Variants in KSR2 observed in about 807,000 individuals in gnomAD.
The protein encoded by KSR2 is kinase suppressor of ras 2.
KSR2 carries 25 observed loss-of-function variants against 107.8 expected under a neutral mutation model. The ratio of observed to expected loss-of-function variants is 0.23; its 90% CI spans 0.17 to 0.32. KSR2 has a LOEUF of 0.32. KSR2 is among the 10% of genes least tolerant of loss of function. The pLI is 1.00. For synonymous variants in KSR2, 480 were observed against 507.0 expected (o/e 0.95, Z 0.71); for missense variants, 887 against 1,268.9 (o/e 0.70, Z 4.57).
chr12:117,941,015 G>A (rs1048761576), intron 1 of KSR2, among the ~76,000 whole-genome samples: 1 of 152,086 alleles, frequency 6.6e-6, no homozygotes, highest in Non-Finnish European at 1.5e-5. Context: ...AACCCAGGAG[G>A]CAGAGGTTGC....
At chr12:117,476,771 C>T (rs1871809298) in intron 16 of KSR2, among the ~76,000 whole-genome samples, 176 bp from the exon 17 acceptor site, 1 of 152,182 alleles carries the variant, frequency 6.6e-6, no homozygotes, top group African/African-American at 2.4e-5. Context: ...GGGAAGGCTG[C>T]TCTAGAGAAA....
chr12:117,860,855 A>T (rs895713327), intron 1 of KSR2, among the ~76,000 whole-genome samples: 1 of 152,056 alleles, frequency 6.6e-6, no homozygotes, highest in African/African-American at 2.4e-5. Context: ...AGTATCTGGG[A>T]TTACAGGCGC....
Position 117,469,809 on chromosome 12 carries a change from A to G in KSR2, c.2713-14T>C, listed in dbSNP as rs1871329956. On this transcript the variant is annotated splice_polypyrimidine_tract_variant and intron_variant, in intron 18 of 19. Transcript: ENST00000339824. ...GAGAAGAATGTCCTAAATGAAACCAATGTGTGGTGATTACACATAAATGGT... is the reference window on the plus strand; with the variant it reads ...GAGAAGAATGTCCTAAATGAAACCAGTGTGTGGTGATTACACATAAATGGT... The G allele has an allele frequency of 1.2e-6, 2 of 1,613,332 alleles. No homozygotes were observed. Among genetic ancestry groups the G allele is most frequent in the Non-Finnish European group, 1.7e-6 (2 of 1,179,658 alleles).
chr12:117,915,463 T>A (rs1217133491), intron 1 of KSR2, among the ~76,000 whole-genome samples: 2 of 152,236 alleles, frequency 1.3e-5, no homozygotes, highest in African/African-American at 4.8e-5. Flanking sequence ...TCCATTACAC[T>A]TAAGAAGACA....
intron 4 of KSR2, among the ~76,000 whole-genome samples, chr12:117,701,340 G>T (rs758994224): frequency 6.6e-6 from 1 of 152,170 alleles, no homozygotes; most frequent in Non-Finnish European, 1.5e-5. Flanking sequence ...TGATCTGCCT[G>T]CCTCAGACTC....
At chr12:117,902,963 A>G (rs754938714) in intron 1 of KSR2, among the ~76,000 whole-genome samples, 4 of 152,166 alleles carry the variant, frequency 2.6e-5, no homozygotes, top group Non-Finnish European at 5.9e-5. Context: ...TCTCTGAAAC[A>G]TAGAGGATAA....
At chr12:117,890,146 A>C (rs1226640299) in intron 1 of KSR2, among the ~76,000 whole-genome samples, 1 of 152,216 alleles carries the variant, frequency 6.6e-6, no homozygotes, top group African/African-American at 2.4e-5. Context: ...CATTTTGAAC[A>C]GCACTGTATT....
At chr12:117,757,283 A>T (rs891328053) in intron 4 of KSR2, among the ~76,000 whole-genome samples, 7 of 152,226 alleles carry the variant, frequency 4.6e-5, no homozygotes, top group Admixed American at 1.3e-4. Flanking sequence ...GAGCCTGAAG[A>T]TATAACTGAA....
intron 14 of KSR2, 100 bp downstream of exon 14, chr12:117,524,752 T>C (rs893444696): frequency 1.5e-6 from 2 of 1,350,622 alleles, no homozygotes; most frequent in Non-Finnish European, 2.0e-6. Flanking sequence ...CTAGAGATGG[T>C]CTATTAACCA....
chr12:117,895,920 A>G (rs957105490), intron 1 of KSR2, among the ~76,000 whole-genome samples: 22 of 152,140 alleles, frequency 1.4e-4, no homozygotes, highest in Non-Finnish European at 2.6e-4. Context: ...TTAGCTAGGT[A>G]TGGTGGTGGG....
chr12:117,557,701 A>G (rs926416800), intron 8 of KSR2, among the ~76,000 whole-genome samples: 2 of 152,202 alleles, frequency 1.3e-5, no homozygotes, highest in East Asian at 1.9e-4. Context: ...TTTGATTTTA[A>G]TTAATCTAAA....
intron 5 of KSR2, among the ~76,000 whole-genome samples, chr12:117,650,093 G>A (rs1185383469): frequency 6.6e-6 from 1 of 152,208 alleles, no homozygotes; most frequent in African/African-American, 2.4e-5. Flanking sequence ...GGATGTGTCT[G>A]TGTGGGTGTT....
At chr12:117,651,645 G>A (rs536696726) in intron 5 of KSR2, among the ~76,000 whole-genome samples, 4 of 152,332 alleles carry the variant, frequency 2.6e-5, no homozygotes, top group African/African-American at 7.2e-5. Context: ...GGCCCACTGT[G>A]AGTGAGTTGG....
chr12:117,859,450 GTTTT>G (rs1402784383), intron 2 of KSR2, among the ~76,000 whole-genome samples: 3 of 138,498 alleles, frequency 2.2e-5, no homozygotes, highest in Non-Finnish European at 4.6e-5. Context: ...TTCGTTTTTT[GTTTT>G]TTATTTATTT....
At chr12:117,528,383 T>A (rs1230393873) in intron 12 of KSR2, among the ~76,000 whole-genome samples, 1 of 151,722 alleles carries the variant, frequency 6.6e-6, no homozygotes, top group Non-Finnish European at 1.5e-5. Context: ...CTGAGACAGG[T>A]GAGAAAAAAG....
chr12:117,658,247 T>C (rs1329610931), intron 5 of KSR2, among the ~76,000 whole-genome samples: 1 of 152,218 alleles, frequency 6.6e-6, no homozygotes, highest in East Asian at 1.9e-4. Flanking sequence ...CTTATCTTAA[T>C]TGGGGTTGAG....
At chr12:117,641,264 T>G (rs1883342545) in intron 5 of KSR2, among the ~76,000 whole-genome samples, 1 of 152,154 alleles carries the variant, frequency 6.6e-6, no homozygotes, top group African/African-American at 2.4e-5. Flanking sequence ...GCCCAGCTAA[T>G]TTTTGTATTT....
intron 4 of KSR2, among the ~76,000 whole-genome samples, chr12:117,737,665 C>CCCAGCTA (rs1887995306): frequency 6.6e-6 from 1 of 151,636 alleles, no homozygotes; most frequent in South Asian, 2.1e-4. Context: ...TGCTAGTAGT[C>CCCAGCTA]CCAGCTACTC....
intron 5 of KSR2, among the ~76,000 whole-genome samples, chr12:117,632,593 A>G (rs1239688001): frequency 6.6e-6 from 1 of 151,992 alleles, no homozygotes; most frequent in Non-Finnish European, 1.5e-5. Flanking sequence ...ATACAGGTAA[A>G]TTGCGTGTCA....
Sources: allele counts gnomAD v4.1 joint callset (sites outside exome capture counted in the v4.1 genomes callset), GRCh38; gene constraint gnomAD v4.1.1; transcripts MANE v1.5; gene names NCBI Gene and HGNC (gene_info 2026-07-23, HGNC 2026-07-21).